Variants in ADAM12 observed in about 807,000 individuals in gnomAD.
ADAM12 encodes ADAM metallopeptidase domain 12, also known as disintegrin and metalloproteinase domain-containing protein 12.
Under a neutral mutation model 106.4 loss-of-function variants are expected in ADAM12, and 70 were observed. The ratio of observed to expected loss-of-function variants is 0.66; its 90% CI spans 0.54 to 0.80. The LOEUF (loss-of-function observed/expected upper bound fraction) is 0.80, where lower values mean the gene tolerates loss of function less well. ADAM12 is among the 30% of genes least tolerant of loss of function. ADAM12 has a pLI of 0.00. For missense variants in ADAM12, 1,010 were observed against 1,171.9 expected, an observed-to-expected ratio of 0.86 and a Z score of 2.02; for synonymous variants, 420 against 433.5, an observed-to-expected ratio of 0.97 and a Z score of 0.39.
At chr10:126,371,945 G>C (rs367957340) in intron 1 of ADAM12, among the ~76,000 whole-genome samples, 1 of 152,284 alleles carries the variant, frequency 6.6e-6, no homozygotes, top group African/African-American at 2.4e-5. Flanking sequence ...CAGAGAAGAA[G>C]GAAACTGGTG....
At chr10:126,058,754 G>A (rs537706692) in intron 14 of ADAM12, among the ~76,000 whole-genome samples, 210 of 152,226 alleles carry the variant, frequency 1.4e-3, no homozygotes, top group African/African-American at 4.8e-3. Context: ...GCTTTTGTGC[G>A]TTAGCTGCCA....
At chr10:126,208,584 AC>A (rs1403280609) in intron 3 of ADAM12, among the ~76,000 whole-genome samples, 1 of 152,252 alleles carries the variant, frequency 6.6e-6, no homozygotes, top group African/African-American at 2.4e-5. Flanking sequence ...ATTTATCTTT[AC>A]TTTTCAACGG....
chr10:126,089,340 C>T (rs1364747841), intron 11 of ADAM12, among the ~76,000 whole-genome samples: 4 of 152,096 alleles, frequency 2.6e-5, no homozygotes, highest in African/African-American at 7.2e-5. Context: ...GAGTGTGGAG[C>T]GTGGCGTGAT....
At chr10:126,331,905 G>C (rs779599021) in intron 1 of ADAM12, among the ~76,000 whole-genome samples, 3 of 152,124 alleles carry the variant, frequency 2.0e-5, no homozygotes, top group South Asian at 4.1e-4. Context: ...GAAAAGAGTC[G>C]ACTCTCTGAA....
rs1405252469 is a variant in ADAM12 at position 126,013,685 on chromosome 10, T to C, written c.*3594A>G. 1 of 152,304 alleles carries C rather than the reference T, an allele frequency of 6.6e-6. No individual in the cohort carries two copies. Among genetic ancestry groups the C allele is most frequent in the Non-Finnish European group, 1.5e-5 (1 of 68,126 alleles). 9.4% of individuals were successfully genotyped at this position (152,304 alleles called of 1,614,324 possible). On this transcript the variant is annotated 3_prime_UTR_variant, in exon 23 of 23. Transcript: ENST00000448723. The surrounding 1 kb of genome is among the most constrained non-coding windows in gnomAD (Gnocchi z 4.3). Reference sequence around the variant, plus strand: ...TGTGGTTTGACCTGGGAAAGGGGCTTGTGTCTGGGTGATAGGGAAAGGTAA... The same window carrying C: ...TGTGGTTTGACCTGGGAAAGGGGCTCGTGTCTGGGTGATAGGGAAAGGTAA...
chr10:126,030,094 T>C (rs138221804), intron 21 of ADAM12, among the ~76,000 whole-genome samples: 16 of 152,368 alleles, frequency 1.1e-4, no homozygotes, highest in Non-Finnish European at 1.8e-4. Flanking sequence ...AGTCATGGTA[T>C]AGCTTCACAA....
chr10:126,194,857 T>G (rs1483064829), intron 3 of ADAM12, among the ~76,000 whole-genome samples: 3 of 152,200 alleles, frequency 2.0e-5, no homozygotes, highest in Non-Finnish European at 4.4e-5. Flanking sequence ...AGGAACATCT[T>G]CAAAACTTTG....
chr10:126,234,160 C>T (rs930650575), intron 3 of ADAM12, among the ~76,000 whole-genome samples: 20 of 152,026 alleles, frequency 1.3e-4, no homozygotes, highest in African/African-American at 4.6e-4. Flanking sequence ...GGAGTTCGAG[C>T]ATGTCAAAGA....
chr10:126,095,364 C>A (rs756840342), intron 10 of ADAM12, among the ~76,000 whole-genome samples: 2 of 151,808 alleles, frequency 1.3e-5, no homozygotes, highest in African/African-American at 2.4e-5. Flanking sequence ...TAAACCCTGT[C>A]TCTACTAAAA....
chr10:126,038,323 C>T lies in ADAM12; in HGVS notation c.2267G>A (p.Arg756His), dbSNP rs375872268. The change falls in exon 20 of 23, where the codon CGT becomes CAT. Residue 756 changes from arginine to histidine, a missense_variant. This residue lies in a region of ADAM12 where 615 missense variants were observed against 708.5 expected (regional missense o/e 0.87). Transcript: ENST00000448723. The stretch of plus-strand genomic sequence containing the variant: ...GTGAGCCTGACAGGGTTGGAAGCCA[C>T]GGGGTGGCCGGGAAGGGCGCACACA... ...LRCVRPSRPP[R>H]GFQPCQAHLG... is the part of the protein sequence containing the mutation. 62 of 1,605,164 alleles carry T rather than the reference C, an allele frequency of 3.9e-5. No individual in the cohort carries two copies. Among genetic ancestry groups the T allele is most frequent in the Non-Finnish European group, 4.7e-5 (55 of 1,174,894 alleles).
chr10:126,117,766 CGT>C (rs1956012694), intron 6 of ADAM12, among the ~76,000 whole-genome samples: 2 of 118,004 alleles, frequency 1.7e-5, no homozygotes, highest in Admixed American at 9.3e-5. Context: ...GTTGGGGGGG[CGT>C]AATTTTGTCA....
intron 3 of ADAM12, among the ~76,000 whole-genome samples, chr10:126,179,031 A>C (rs1278182020): frequency 6.6e-6 from 1 of 152,146 alleles, no homozygotes. Context: ...TGGGCAACAC[A>C]GTGAGACTCT....
chr10:126,022,566 C>T (rs557754823), intron 21 of ADAM12, among the ~76,000 whole-genome samples: 35 of 152,194 alleles, frequency 2.3e-4, no homozygotes, highest in Non-Finnish European at 3.4e-4. Context: ...CAAGAAGCAC[C>T]AGCTGCACAT....
chr10:126,171,991 A>G (rs895452667), intron 3 of ADAM12, among the ~76,000 whole-genome samples: 14 of 152,194 alleles, frequency 9.2e-5, no homozygotes, highest in African/African-American at 3.4e-4. Context: ...AAAAATAGCT[A>G]ATACGTTGAG....
At chr10:126,279,009 G>C in intron 2 of ADAM12, 21 bp from the exon 3 acceptor site, 1 of 1,600,494 alleles carries the variant, frequency 6.2e-7, no homozygotes, top group Non-Finnish European at 8.6e-7. Flanking sequence ...AACAACAAAA[G>C]TCAGTTGAAA....
chr10:126,113,615 G>T lies in ADAM12; in HGVS notation c.604-3775C>A, dbSNP rs1329245305. On this transcript the variant is annotated intron_variant, in intron 6 of 22. Coordinates refer to ENST00000448723, the MANE Select transcript of ADAM12 (RefSeq NM_001288973.2). ...GTGGAGGTTGCAGTGAGCCGAGATG[G>T]CACCACTGACTCCAGCCTGGGCAAC... Among the ~76,000 whole-genome samples the T allele has an allele frequency of 1.0e-4, 12 of 115,858 alleles. No individual in the cohort carries two copies. In the Admixed American group the frequency reaches 1.1e-3, roughly 10 times the overall value. 76.0% of individuals were successfully genotyped at this position (115,858 alleles called of 152,430 possible).
intron 11 of ADAM12, among the ~76,000 whole-genome samples, chr10:126,089,720 C>G (rs1345672823): frequency 6.6e-6 from 1 of 152,128 alleles, no homozygotes; most frequent in African/African-American, 2.4e-5. Flanking sequence ...CTCCAGCCCC[C>G]CACAGCCCCA....
chr10:126,243,429 CAGGGA>C (rs746849607), intron 3 of ADAM12, among the ~76,000 whole-genome samples: 1 of 151,564 alleles, frequency 6.6e-6, no homozygotes, highest in Non-Finnish European at 1.5e-5. Context: ...CCCCAGGAGG[CAGGGA>C]CTAACATTAT....
At chr10:126,233,746 C>T (rs1958359975) in intron 3 of ADAM12, among the ~76,000 whole-genome samples, 1 of 152,308 alleles carries the variant, frequency 6.6e-6, no homozygotes, top group South Asian at 2.1e-4. Flanking sequence ...GGACTCCCTC[C>T]ACTCGCATAT....
Sources: gnomAD v4.1 joint callset for allele counts (sites outside exome capture counted in the v4.1 genomes callset) on GRCh38, gnomAD v4.1.1 for gene constraint, gnomAD v4.1.1 regional missense constraint, Gnocchi (gnomAD v3.1) non-coding constraint, MANE v1.5 for transcripts, NCBI Gene and HGNC (gene_info 2026-07-23, HGNC 2026-07-21) for gene names.